The following SAMMSON variants were observed in gnomAD, a reference collection of about 807,000 sequenced individuals.
The protein encoded by SAMMSON is survival associated mitochondrial melanoma specific oncogenic non-coding RNA.
chr3:70,316,255 T>G (rs997674897), intron 7 of SAMMSON, among the ~76,000 whole-genome samples: 3 of 152,152 alleles, frequency 2.0e-5, no homozygotes, highest in Admixed American at 6.6e-5. Flanking sequence ...AACAAACAAA[T>G]AATCAGTTGC....
intron 6 of SAMMSON, among the ~76,000 whole-genome samples, chr3:70,281,256 G>C (rs1446396706): frequency 6.6e-6 from 1 of 152,078 alleles, no homozygotes; most frequent in Non-Finnish European, 1.5e-5. Context: ...ATTTCTTCAA[G>C]GTAACCTCCC....
intron 6 of SAMMSON, among the ~76,000 whole-genome samples, chr3:70,250,244 T>C (rs1036688486): frequency 6.6e-6 from 1 of 152,212 alleles, no homozygotes; most frequent in Admixed American, 6.5e-5. Context: ...CTTGTGCTGC[T>C]GAAGCACCAA....
intron 4 of SAMMSON, among the ~76,000 whole-genome samples, chr3:70,130,673 G>A (rs1364962602): frequency 2.0e-5 from 3 of 152,036 alleles, no homozygotes; most frequent in Non-Finnish European, 4.4e-5. Context: ...ATTATGTTTT[G>A]AGGAAGCCCA....
chr3:70,422,728 T>G (rs1701322661), intron 2 of SAMMSON, among the ~76,000 whole-genome samples: 1 of 151,996 alleles, frequency 6.6e-6, no homozygotes, highest in Non-Finnish European at 1.5e-5. Context: ...CAGTGCAGAA[T>G]GTAGTGTTTT....
intron 6 of SAMMSON, among the ~76,000 whole-genome samples, chr3:70,253,235 G>A (rs1010246398): frequency 6.6e-6 from 1 of 152,200 alleles, no homozygotes; most frequent in Admixed American, 6.5e-5. Context: ...GTGCCTTTTA[G>A]TGAAGTCCTG....
At chr3:70,217,314 GA>G (rs2106734061) in intron 4 of SAMMSON, among the ~76,000 whole-genome samples, 1 of 152,174 alleles carries the variant, frequency 6.6e-6, no homozygotes, top group South Asian at 2.1e-4. Context: ...GAATACTCTT[GA>G]AATAAGCATT....
chr3:70,382,066 C>T (rs191540080), intron 9 of SAMMSON, among the ~76,000 whole-genome samples: 3 of 151,974 alleles, frequency 2.0e-5, no homozygotes, highest in South Asian at 2.1e-4. Context: ...AATAAAATAG[C>T]GTGGTGTTTA....
intron 4 of SAMMSON, among the ~76,000 whole-genome samples, chr3:70,200,945 A>G (rs1430016766): frequency 7.6e-6 from 1 of 131,570 alleles, no homozygotes; most frequent in Non-Finnish European, 1.6e-5. Flanking sequence ...GCCAATCTAC[A>G]GCCCTCTATA....
At chr3:70,427,779 AG>A (rs1285550737) in intron 2 of SAMMSON, among the ~76,000 whole-genome samples, 2 of 151,394 alleles carry the variant, frequency 1.3e-5, no homozygotes, top group Non-Finnish European at 2.9e-5. Context: ...CTCTCTAATT[AG>A]TGCAAATTGT....
chr3:70,293,664 C>T (rs1466604106), intron 7 of SAMMSON, among the ~76,000 whole-genome samples: 1 of 151,920 alleles, frequency 6.6e-6, no homozygotes, highest in African/African-American at 2.4e-5. Flanking sequence ...TGTTCCTTTC[C>T]TTCCATTTTC....
At chr3:70,135,927 C>A (rs2067504042) in intron 4 of SAMMSON, among the ~76,000 whole-genome samples, 1 of 125,066 alleles carries the variant, frequency 8.0e-6, no homozygotes, top group Non-Finnish European at 1.6e-5. Flanking sequence ...TTATAAAATA[C>A]CCTGTGTTCT....
At chr3:70,290,629 C>G (rs1269833366) in intron 6 of SAMMSON, among the ~76,000 whole-genome samples, 8 of 152,216 alleles carry the variant, frequency 5.3e-5, no homozygotes, top group African/African-American at 1.4e-4. Context: ...CTCAGCAAGC[C>G]TGGGCAATGG....
At chr3:70,180,390 C>T (rs1553643658) in intron 4 of SAMMSON, among the ~76,000 whole-genome samples, 2 of 152,026 alleles carry the variant, frequency 1.3e-5, no homozygotes, top group Non-Finnish European at 2.9e-5. Context: ...GACAGTTACT[C>T]ATATATGTGT....
At chr3:70,201,786 C>T (rs1701241768) in intron 4 of SAMMSON, among the ~76,000 whole-genome samples, 1 of 152,178 alleles carries the variant, frequency 6.6e-6, no homozygotes. Context: ...TCCATTCCCT[C>T]CTCTTGCCCT....
chr3:70,268,584 C>T (rs1701946162), intron 6 of SAMMSON, among the ~76,000 whole-genome samples: 1 of 151,976 alleles, frequency 6.6e-6, no homozygotes, highest in Non-Finnish European at 1.5e-5. Flanking sequence ...TTCGGGTTCA[C>T]TCTGGTGATG....
intron 6 of SAMMSON, among the ~76,000 whole-genome samples, chr3:70,255,153 G>A (rs762200452): frequency 6.6e-6 from 1 of 152,162 alleles, no homozygotes; most frequent in Non-Finnish European, 1.5e-5. Context: ...TGCTCCTTTG[G>A]TATCAAAGAA....
chr3:70,075,478 A>G (rs1187063724), intron 4 of SAMMSON: 1 of 152,278 alleles, frequency 6.6e-6, no homozygotes, highest in Non-Finnish European at 1.5e-5. Context: ...ACTCCAAACC[A>G]AATAAAGTTT....
In SAMMSON at chr3:70,336,803, T is replaced by C. The variant is rs189373240; in HGVS notation, n.740-17372T>C. Among the ~76,000 whole-genome samples the C allele has an allele frequency of 5.0e-3, 706 of 141,436 alleles. 5 individuals are homozygous for C. The highest frequency in any genetic ancestry group is 8.2e-3 in the Admixed American group (108 of 13,172). The allele number at this position is 141,436 out of a possible 152,430, so 92.8% of individuals were successfully genotyped here. A position where few individuals can be genotyped will look rare whatever the true frequency, so the allele number is the denominator to read the frequency against. ...TCCTTTTTGTTAGAAGAGTTAAACA[T>C]AATAGAAAGTTTGTGTGTGTGTGTG... is the stretch of plus-strand genomic sequence containing the variant. On this transcript the variant is annotated intron_variant and non_coding_transcript_variant, in intron 7 of 9. Coordinates refer to ENST00000642114, the Ensembl canonical transcript of SAMMSON.
chr3:70,331,561 T>G (rs545060533), intron 7 of SAMMSON, among the ~76,000 whole-genome samples: 24 of 152,358 alleles, frequency 1.6e-4, no homozygotes, highest in Non-Finnish European at 3.2e-4. Context: ...TTCAAGGAAC[T>G]ATTGATGAAA....
Sources: allele counts gnomAD v4.1 joint callset (sites outside exome capture counted in the v4.1 genomes callset), GRCh38; gene constraint gnomAD v4.1.1; transcripts MANE v1.5; gene names NCBI Gene and HGNC (gene_info 2026-07-23, HGNC 2026-07-21).